Variants in TAFA2 observed in about 807,000 individuals in gnomAD.
TAFA2 encodes the protein TAFA chemokine like family member 2, also known as chemokine-like protein TAFA-2.
In TAFA2, 7 loss-of-function variants were observed where a neutral mutation model predicts 18.8. That is an observed-to-expected ratio of 0.37 (90% CI 0.21 to 0.70). The LOEUF (loss-of-function observed/expected upper bound fraction) is 0.70. Among genes scored for constraint, TAFA2 ranks in the 30% least tolerant of loss-of-function variants. TAFA2 has a pLI of 0.53. For synonymous variants in TAFA2, 60 were observed against 54.2 expected, an observed-to-expected ratio of 1.11 and a Z score of -0.47; for missense variants, 122 against 158.1, an observed-to-expected ratio of 0.77 and a Z score of 1.23.
chr12:62,139,842 C>T (rs1201007521), intron 1 of TAFA2, among the ~76,000 whole-genome samples: 1 of 152,118 alleles, frequency 6.6e-6, no homozygotes, highest in African/African-American at 2.4e-5. Context: ...AAGTGACTCG[C>T]CCAAGGTCAC....
At chr12:61,962,330 C>A (rs906753296) in intron 1 of TAFA2, among the ~76,000 whole-genome samples, 2 of 151,968 alleles carry the variant, frequency 1.3e-5, no homozygotes, top group African/African-American at 4.8e-5. Flanking sequence ...ATCATCTTTT[C>A]CTTACAGATA....
At chr12:61,764,366 A>G (rs12826350) in intron 2 of TAFA2, among the ~76,000 whole-genome samples, 42,468 of 151,968 alleles carry the variant, frequency 0.28, 6,643 homozygotes, top group South Asian at 0.38. Context: ...TAGGAATCAC[A>G]TTGTTCTTTT....
In TAFA2 at chr12:62,019,650, TCA is replaced by T. The variant is rs1465349432; in HGVS notation, c.-1-152226_-1-152225del. ...ACACATGGACACAGGAAGGGGAACA[TCA>T]CACACCGGGGACTGTTGTGGGGTGG... is the stretch of plus-strand genomic sequence containing the variant. On this transcript the variant is annotated intron_variant, in intron 1 of 4. Transcript: ENST00000416284. Among the ~76,000 whole-genome samples, 31 of 126,268 alleles carry T rather than the reference TCA, an allele frequency of 2.5e-4. No homozygotes were observed. In the East Asian group the frequency reaches 8.3e-3, roughly 34 times the overall value. The allele number at this position is 126,268 out of a possible 152,430, so 82.8% of individuals were successfully genotyped here.
chr12:61,793,588 T>A (rs960414163), intron 2 of TAFA2, among the ~76,000 whole-genome samples: 1 of 151,806 alleles, frequency 6.6e-6, no homozygotes, highest in Non-Finnish European at 1.5e-5. Flanking sequence ...ATCAAATAAA[T>A]TGAATTTTTA....
intron 1 of TAFA2, among the ~76,000 whole-genome samples, chr12:61,870,379 G>A (rs1874546811): frequency 6.6e-6 from 1 of 152,060 alleles, no homozygotes; most frequent in Admixed American, 6.5e-5. Flanking sequence ...AACTATATTT[G>A]CAGTATTTAG....
At chr12:62,021,327 G>C (rs185793485) in intron 1 of TAFA2, among the ~76,000 whole-genome samples, 256 of 151,996 alleles carry the variant, frequency 1.7e-3, no homozygotes, top group African/African-American at 5.8e-3. Flanking sequence ...ATCGTGTTTG[G>C]TTACATGAAT....
At chr12:61,757,398 G>T (rs1245530157) in intron 2 of TAFA2, among the ~76,000 whole-genome samples, 1 of 152,050 alleles carries the variant, frequency 6.6e-6, no homozygotes, top group East Asian at 1.9e-4. Flanking sequence ...AGAGGAATTT[G>T]TCAGAAGATG....
At position 62,255,818 on chromosome 12, in the gene TAFA2, C is replaced by T. The variant is rs957876847; in HGVS notation, c.-130+2945G>A. Among the ~76,000 whole-genome samples the T allele has an allele frequency of 5.3e-5, 8 of 152,158 alleles. 1 individual carries two copies. Among genetic ancestry groups the T allele is most frequent in the South Asian group, 4.1e-4 (2 of 4,828 alleles). On this transcript the variant is annotated intron_variant, in intron 1 of 5. Coordinates refer to the TAFA2 transcript ENST00000551619. ...GCAGTGAGCGGAGATCATACCACTG[C>T]ACTCCAGTCTGGGCAACTGGAGAGT...
intron 1 of TAFA2, among the ~76,000 whole-genome samples, chr12:62,181,081 G>A (rs912771635): frequency 6.6e-6 from 1 of 152,122 alleles, no homozygotes; most frequent in African/African-American, 2.4e-5. Flanking sequence ...CTTTATTTTT[G>A]TCCTTGACCT....
At chr12:61,967,291 C>G (rs1247994915) in intron 1 of TAFA2, among the ~76,000 whole-genome samples, 2 of 151,774 alleles carry the variant, frequency 1.3e-5, no homozygotes, top group African/African-American at 4.8e-5. Flanking sequence ...AGAGAGGAAC[C>G]TAAGGACTTG....
intron 1 of TAFA2, among the ~76,000 whole-genome samples, chr12:61,868,336 A>G (rs1874444835): frequency 6.6e-6 from 1 of 152,148 alleles, no homozygotes; most frequent in Admixed American, 6.5e-5. Flanking sequence ...AAATTCTTGC[A>G]TTAATCACTG....
At chr12:62,014,786 T>C (rs1880876689) in intron 1 of TAFA2, among the ~76,000 whole-genome samples, 1 of 152,156 alleles carries the variant, frequency 6.6e-6, no homozygotes, top group African/African-American at 2.4e-5. Context: ...GCTAGACTTT[T>C]CCACATAAAT....
intron 1 of TAFA2, among the ~76,000 whole-genome samples, chr12:61,924,973 G>T (rs879148793): frequency 6.6e-6 from 1 of 151,874 alleles, no homozygotes; most frequent in Non-Finnish European, 1.5e-5. Context: ...ACCAAGAAAG[G>T]TCAAAAAAGA....
intron 2 of TAFA2, among the ~76,000 whole-genome samples, chr12:61,813,534 G>C (rs1871958500): frequency 6.6e-6 from 1 of 150,940 alleles, no homozygotes; most frequent in South Asian, 2.1e-4. Context: ...CTTTCTAAAA[G>C]ATTTTCCCAA....
intron 1 of TAFA2, among the ~76,000 whole-genome samples, chr12:62,216,608 T>C (rs2062736982): frequency 6.6e-6 from 1 of 152,224 alleles, no homozygotes; most frequent in African/African-American, 2.4e-5. Flanking sequence ...GTGGCTTCTT[T>C]GCTAGAGCAG....
At chr12:61,876,556 T>C (rs1874854873) in intron 1 of TAFA2, among the ~76,000 whole-genome samples, 1 of 152,070 alleles carries the variant, frequency 6.6e-6, no homozygotes. Context: ...TGGAACCTCC[T>C]CCTCAACACA....
intron 1 of TAFA2, among the ~76,000 whole-genome samples, chr12:61,942,061 G>C (rs1355576072): frequency 5.3e-5 from 8 of 151,684 alleles, no homozygotes; most frequent in Non-Finnish European, 5.9e-5. Context: ...CTGTCTGAAA[G>C]CCTTGAAGAG....
intron 1 of TAFA2, among the ~76,000 whole-genome samples, chr12:62,212,233 C>T (rs1245641): frequency 0.11 from 17,295 of 152,150 alleles, 1,253 homozygotes; most frequent in East Asian, 0.18. Flanking sequence ...TCCTTTATTT[C>T]CAAAAGTTTG....
At chr12:62,204,081 C>G (rs555492925) in intron 1 of TAFA2, among the ~76,000 whole-genome samples, 18 of 152,264 alleles carry the variant, frequency 1.2e-4, no homozygotes, top group African/African-American at 4.3e-4. Flanking sequence ...TCTTATTTCT[C>G]CTTTGCTCAT....
Sources: allele counts gnomAD v4.1 joint callset (sites outside exome capture counted in the v4.1 genomes callset), GRCh38; gene constraint gnomAD v4.1.1; transcripts MANE v1.5; gene names NCBI Gene and HGNC (gene_info 2026-07-23, HGNC 2026-07-21).